Variants in MLXIPL observed in about 807,000 individuals in gnomAD.
MLXIPL encodes the protein carbohydrate-responsive element-binding protein.
Under a neutral mutation model 81.5 loss-of-function variants are expected in MLXIPL, and 49 were observed. The ratio of observed to expected loss-of-function variants is 0.60; its 90% CI spans 0.48 to 0.76. The LOEUF (loss-of-function observed/expected upper bound fraction) is 0.76, where lower values mean the gene tolerates loss of function less well. MLXIPL is among the 30% of genes least tolerant of loss of function. The probability of loss-of-function intolerance (pLI) is 0.00; values close to 1 mark genes in which losing one functional copy is unlikely to be tolerated. For synonymous variants in MLXIPL, 466 were observed against 485.5 expected (o/e 0.96, Z 0.53); for missense variants, 1,053 against 1,167.0 (o/e 0.90, Z 1.42).
In MLXIPL at chr7:73,593,922, G is replaced by A; in HGVS notation, c.2502C>T (p.Arg834=). The change falls in exon 17 of 17, where the codon CGC becomes CGT. Residue 834 remains arginine (R), a synonymous_variant. Transcript: ENST00000313375. ...CTGCCCGTGTGGCTTGCTCAGGGATGCGGCCCGGGTCGGTCAGGATACTGG... is the reference window on the plus strand; with the variant it reads ...CTGCCCGTGTGGCTTGCTCAGGGATACGGCCCGGGTCGGTCAGGATACTGG... ...TSTSILTDPG[R]IPEQATRAVT... 6.2e-7 allele frequency: 1 copy of A among 1,614,184 alleles called. No homozygotes were observed. The highest frequency in any genetic ancestry group is 8.5e-7 in the Non-Finnish European group (1 of 1,180,038).
intron 1 of MLXIPL, among the ~76,000 whole-genome samples, chr7:73,620,611 C>T (rs1554601754): frequency 7.1e-6 from 1 of 140,860 alleles, no homozygotes; most frequent in East Asian, 2.1e-4. Context: ...GATGTGGTGG[C>T]AGGCGCCTGT....
At chr7:73,618,959 A>G (rs1412319579) in intron 1 of MLXIPL, among the ~76,000 whole-genome samples, 1 of 152,168 alleles carries the variant, frequency 6.6e-6, no homozygotes, top group Non-Finnish European at 1.5e-5. Flanking sequence ...CAAGCCCAGG[A>G]GGAAGAAAAG....
Position 73,593,552 on chromosome 7 carries a change from G to A in MLXIPL, c.*313C>T, listed in dbSNP as rs1794017905. On this transcript the variant is annotated 3_prime_UTR_variant, in exon 17 of 17. Transcript: ENST00000313375. Reference sequence around the variant, plus strand: ...GGCCCCCAATGTCACAGCTGCCAAGGCCTGGGGGTCATCTGCTGATTGAAC... The same window carrying A: ...GGCCCCCAATGTCACAGCTGCCAAGACCTGGGGGTCATCTGCTGATTGAAC... The A allele has an allele frequency of 1.4e-5, 5 of 368,694 alleles. No individual in the cohort carries two copies. Among genetic ancestry groups the A allele is most frequent in the South Asian group, 4.6e-5 (2 of 43,920 alleles). 22.8% of individuals were successfully genotyped at this position (368,694 alleles called of 1,614,324 possible).
At chr7:73,615,860 C>T (rs1554600620) in intron 2 of MLXIPL, among the ~76,000 whole-genome samples, 2 of 150,130 alleles carry the variant, frequency 1.3e-5, no homozygotes, top group East Asian at 3.9e-4. Context: ...TTGCAGTGAG[C>T]CGAGATGGCA....
chr7:73,617,670 C>G (rs539128759), intron 1 of MLXIPL, among the ~76,000 whole-genome samples: 1 of 151,902 alleles, frequency 6.6e-6, no homozygotes, highest in East Asian at 2.0e-4. Context: ...CATAGCAAGA[C>G]CCTGTCTCTA....
chr7:73,647,153 C>A, the MLXIPL span, among the ~76,000 whole-genome samples: 2 of 152,126 alleles, frequency 1.3e-5, no homozygotes, highest in African/African-American at 4.8e-5. Context: ...GGCAGGGTGG[C>A]TGGGAGGAAG....
the MLXIPL span, among the ~76,000 whole-genome samples, chr7:73,645,643 A>G: frequency 6.6e-6 from 1 of 152,196 alleles, no homozygotes; most frequent in East Asian, 1.9e-4. Flanking sequence ...TGTTGCTTCC[A>G]GACCTCCTCC....
chr7:73,628,312 C>T (rs1796784527), upstream of MLXIPL, among the ~76,000 whole-genome samples: 1 of 152,150 alleles, frequency 6.6e-6, no homozygotes, highest in Non-Finnish European at 1.5e-5. Flanking sequence ...CTCCTTCACC[C>T]AACATCCCTC....
chr7:73,608,178 T>G (rs1795452089), intron 2 of MLXIPL, among the ~76,000 whole-genome samples: 2 of 151,516 alleles, frequency 1.3e-5, no homozygotes, highest in Non-Finnish European at 1.5e-5. Context: ...TACAGGGCAC[T>G]GTGAATCCAA....
chr7:73,620,435 C>A (rs1027991955), intron 1 of MLXIPL, among the ~76,000 whole-genome samples: 1 of 151,238 alleles, frequency 6.6e-6, no homozygotes, highest in Non-Finnish European at 1.5e-5. Context: ...ACAACAACAA[C>A]AAAAACTATT....
chr7:73,639,612 T>C, the MLXIPL span, among the ~76,000 whole-genome samples: 1 of 149,856 alleles, frequency 6.7e-6, no homozygotes, highest in Non-Finnish European at 1.5e-5. Flanking sequence ...GACCCTATCT[T>C]TAAAAAAAAA....
the MLXIPL span, among the ~76,000 whole-genome samples, chr7:73,632,803 G>A: frequency 0.09 from 11,924 of 132,834 alleles, 537 homozygotes; most frequent in Middle Eastern, 0.14. Context: ...TCCTTCCGAC[G>A]GAGTCTTGCT....
chr7:73,613,518 G>C (rs567244044), intron 2 of MLXIPL, among the ~76,000 whole-genome samples: 154 of 152,268 alleles, frequency 1.0e-3, no homozygotes, highest in Admixed American at 2.2e-3. Flanking sequence ...ATAATTGCTT[G>C]AACTGGGAGG....
chr7:73,624,674 C>G, upstream of MLXIPL: 1 of 1,232,442 alleles, frequency 8.1e-7, no homozygotes, highest in Admixed American at 3.9e-5. Flanking sequence ...ACCCGGTGCT[C>G]TGGAGCTCTG....
At chr7:73,634,805 T>TTATTATTATTATTATTATTATTA in the MLXIPL span, among the ~76,000 whole-genome samples, 4 of 146,992 alleles carry the variant, frequency 2.7e-5, no homozygotes, top group African/African-American at 7.5e-5. Context: ...TCTATATGTA[T>TTATTATTATTATTATTATTATTA]TTATTATTAT....
At chr7:73,636,048 C>T in the MLXIPL span, among the ~76,000 whole-genome samples, 2 of 152,252 alleles carry the variant, frequency 1.3e-5, no homozygotes, top group East Asian at 3.9e-4. Flanking sequence ...TTAAGGGCGG[C>T]CGGACTTGCA....
At chr7:73,645,664 C>T in the MLXIPL span, among the ~76,000 whole-genome samples, 1 of 152,164 alleles carries the variant, frequency 6.6e-6, no homozygotes, top group Non-Finnish European at 1.5e-5. Flanking sequence ...CAGCTCTGCT[C>T]AACAGTCCAG....
In MLXIPL at chr7:73,623,943, C is replaced by A. The variant is rs575519790; in HGVS notation, c.293+257G>T. 2.6e-4 allele frequency among the ~76,000 whole-genome samples: 40 copies of A among 151,852 alleles called. No homozygotes were observed. The highest frequency in any genetic ancestry group is 9.7e-4 in the African/African-American group (40 of 41,364). ...GTAGAGGTGGGGCGCAGGCGGTCTG[C>A]GCTTCGGGGAAGAGGGAATGGGGGA... On this transcript the variant is annotated intron_variant, in intron 1 of 16. Transcript: ENST00000313375. The surrounding 1 kb of genome is among the most constrained non-coding windows in gnomAD (Gnocchi z 5.7).
Position 73,624,440 on chromosome 7 carries a change from G to A in MLXIPL, c.53C>T (p.Ala18Val). ...LAAGLQVPRVAPSPDSDSDTD... is the reference protein window; with the variant it reads ...LAAGLQVPRVVPSPDSDSDTD... ...GTCCGAGTCCGAGTCTGGGCTGGGC[G>A]CGACCCGCGGGACCTGCAAGCCCGC... The change falls in exon 1 of 17, where the codon GCG (alanine) becomes GTG (valine). Residue 18 changes from alanine (A) to valine (V), a missense_variant. Physicochemically the swap from Ala to Val is moderately conservative, Grantham distance 64. This residue lies in a region of MLXIPL where 226 missense variants were observed against 216.2 expected (regional missense o/e 1.05). Coordinates refer to ENST00000313375, the MANE Select transcript of MLXIPL (RefSeq NM_032951.3). The A allele has an allele frequency of 1.3e-6, 2 of 1,555,584 alleles. No homozygotes were observed. Among genetic ancestry groups the A allele is most frequent in the Non-Finnish European group, 1.7e-6 (2 of 1,158,466 alleles).
Sources: allele counts gnomAD v4.1 joint callset (sites outside exome capture counted in the v4.1 genomes callset), GRCh38; gene constraint gnomAD v4.1.1; regional missense constraint gnomAD v4.1.1; non-coding constraint Gnocchi (gnomAD v3.1); transcripts MANE v1.5; gene names NCBI Gene and HGNC (gene_info 2026-07-23, HGNC 2026-07-21).